XYLB: variants seen among roughly 807,000 people sequenced by gnomAD.
The protein encoded by XYLB is xylulose kinase.
A neutral mutation model predicts 78.7 loss-of-function variants in XYLB; 62 were observed. The ratio of observed to expected loss-of-function variants is 0.79; its 90% confidence interval spans 0.64 to 0.97. XYLB has a LOEUF of 0.97. XYLB is among the 50% of genes least tolerant of loss of function. The probability of loss-of-function intolerance (pLI) is 0.00; values close to 1 mark genes in which losing one functional copy is unlikely to be tolerated. For synonymous variants in XYLB, 245 were observed against 247.4 expected (o/e 0.99, Z 0.09); for missense variants, 687 against 676.8 (o/e 1.02, Z -0.17).
chr3:38,355,930 A>T (rs1032075655), intron 2 of XYLB: 2 of 610,946 alleles, frequency 3.3e-6, no homozygotes, highest in African/African-American at 3.7e-5. Context: ...AACTAATATA[A>T]TTTTTTCCCT....
intron 15 of XYLB, among the ~76,000 whole-genome samples, chr3:38,388,169 G>GTTTTTTTTTTTTTTTTTTTTTTTTTTT (rs71085320): frequency 1.1e-4 from 12 of 109,314 alleles, no homozygotes; most frequent in African/African-American, 3.6e-4. Flanking sequence ...GTTTTTTTTT[G>GTTTTTTTTTTTTTTTTTTTTTTTTTTT]TTTTTTTTTT....
At chr3:38,357,665 C>T (rs1255684845) in intron 2 of XYLB, among the ~76,000 whole-genome samples, 2 of 152,166 alleles carry the variant, frequency 1.3e-5, no homozygotes, top group Non-Finnish European at 2.9e-5. Context: ...GGATTACAGG[C>T]GTGAGCCACC....
At chr3:38,350,441 C>G (rs1247818208) in intron 2 of XYLB, among the ~76,000 whole-genome samples, 2 of 152,118 alleles carry the variant, frequency 1.3e-5, no homozygotes, top group African/African-American at 4.8e-5. Context: ...TTGGTCATTT[C>G]TGATATTGGT....
At chr3:38,376,375 C>A in intron 13 of XYLB, 143 bp downstream of exon 13, 1 of 649,270 alleles carries the variant, frequency 1.5e-6, no homozygotes, top group Non-Finnish European at 2.8e-6. Flanking sequence ...TTATATTCCA[C>A]ACATCCTACA....
In XYLB at chr3:38,407,140, C is replaced by T. The variant is rs534376629; in HGVS notation, c.1534-5796C>T. On this transcript the variant is annotated intron_variant, in intron 18 of 18. Transcript: ENST00000207870. ...GTTAAGGGCAGCCAGAGAGAAAGGT[C>T]GGGTTACCCACAAAGGGAAGCCCAT... Among the ~76,000 whole-genome samples the T allele has an allele frequency of 3.8e-3, 556 of 147,108 alleles. 7 individuals carry two copies. The highest frequency in any genetic ancestry group is 0.026 in the Admixed American group (378 of 14,540).
At chr3:38,379,131 C>A in intron 14 of XYLB, 115 bp from the exon 15 acceptor site, 1 of 1,006,064 alleles carries the variant, frequency 9.9e-7, no homozygotes, top group South Asian at 1.4e-5. Flanking sequence ...AAGAGCCCAG[C>A]TATGAGTTTC....
At chr3:38,379,225 C>T (rs754769081) in intron 14 of XYLB, 21 bp from the exon 15 acceptor site, 1 of 1,612,606 alleles carries the variant, frequency 6.2e-7, no homozygotes, top group Non-Finnish European at 8.5e-7. Context: ...TTACTCTGTG[C>T]CCACCTTTTC....
intron 10 of XYLB, among the ~76,000 whole-genome samples, chr3:38,373,809 G>T (rs1214845510): frequency 6.6e-6 from 1 of 152,168 alleles, no homozygotes; most frequent in Non-Finnish European, 1.5e-5. Context: ...CCTATTATGT[G>T]CCAGGCCTTC....
At chr3:38,430,841 G>A in the XYLB span, among the ~76,000 whole-genome samples, 1 of 152,110 alleles carries the variant, frequency 6.6e-6, no homozygotes, top group Non-Finnish European at 1.5e-5. Context: ...TTTTTCTCAG[G>A]TTTGTCAAAG....
At position 38,379,280 on chromosome 3, in the gene XYLB, C is replaced by A; in HGVS notation, c.1229C>A (p.Ala410Glu). ...TTCCCTGGGGATGTGGAGGTTCGAGCACTAATTGAAGGACAATTCATGGCC... is the reference window on the plus strand; with the variant it reads ...TTCCCTGGGGATGTGGAGGTTCGAGAACTAATTGAAGGACAATTCATGGCC... The part of the protein sequence containing the change: ...AAFPGDVEVR[A>E]LIEGQFMAKR... Residue 410 changes from alanine to glutamate, a missense_variant, in exon 15 of 19, where the codon GCA (alanine) becomes GAA (glutamate). Transcript: ENST00000207870. 1 of 1,614,090 alleles carries A rather than the reference C, an allele frequency of 6.2e-7. No homozygotes were observed. Among genetic ancestry groups the A allele is most frequent in the Non-Finnish European group, 8.5e-7 (1 of 1,180,042 alleles).
At chr3:38,353,717 T>C (rs1705490868) in intron 2 of XYLB, among the ~76,000 whole-genome samples, 1 of 151,950 alleles carries the variant, frequency 6.6e-6, no homozygotes, top group African/African-American at 2.4e-5. Context: ...TGAAACCCTG[T>C]CTGTACTGAA....
chr3:38,370,881 G>C (rs1235417676), intron 9 of XYLB, among the ~76,000 whole-genome samples: 3 of 151,926 alleles, frequency 2.0e-5, no homozygotes, highest in Non-Finnish European at 2.9e-5. Flanking sequence ...CAGTGGAGTA[G>C]AGAGAGAGAG....
intron 17 of XYLB, 30 bp downstream of exon 17, chr3:38,397,189 T>G: frequency 2.5e-6 from 4 of 1,608,132 alleles, no homozygotes; most frequent in African/African-American, 1.3e-5. Flanking sequence ...CAGCTATCTC[T>G]GGAAGTGGCC....
At chr3:38,378,246 TATCA>T (rs1706964900) in intron 14 of XYLB, among the ~76,000 whole-genome samples, 1 of 152,276 alleles carries the variant, frequency 6.6e-6, no homozygotes, top group South Asian at 2.1e-4. Flanking sequence ...CTTTCATGCA[TATCA>T]ATCCTAGATT....
At chr3:38,446,692 G>A in the XYLB span, among the ~76,000 whole-genome samples, 2 of 152,164 alleles carry the variant, frequency 1.3e-5, no homozygotes, top group Non-Finnish European at 2.9e-5. Flanking sequence ...TCAATAAATA[G>A]TGCTGGGAAA....
chr3:38,378,123 T>C (rs1429218554), intron 14 of XYLB, among the ~76,000 whole-genome samples: 1 of 152,238 alleles, frequency 6.6e-6, no homozygotes, highest in Non-Finnish European at 1.5e-5. Flanking sequence ...ATGATGGCAC[T>C]ACATGTTGGA....
At chr3:38,444,427 G>T in the XYLB span, among the ~76,000 whole-genome samples, 1 of 152,152 alleles carries the variant, frequency 6.6e-6, no homozygotes, top group Non-Finnish European at 1.5e-5. Context: ...AGGATAATGG[G>T]GGTAAGCTGA....
chr3:38,388,952 T>C (rs1014974499), intron 15 of XYLB, among the ~76,000 whole-genome samples: 4 of 118,608 alleles, frequency 3.4e-5, no homozygotes, highest in Non-Finnish European at 7.1e-5. Context: ...ATTTTCTTTC[T>C]TTTTTTTTTT....
chr3:38,356,720 A>G (rs988766614), intron 2 of XYLB: 2 of 152,194 alleles, frequency 1.3e-5, no homozygotes, highest in Admixed American at 6.5e-5. Context: ...ATTCCATTGC[A>G]TTGATATATC....
Sources: gnomAD v4.1 joint callset for allele counts (sites outside exome capture counted in the v4.1 genomes callset) on GRCh38, gnomAD v4.1.1 for gene constraint, MANE v1.5 for transcripts, NCBI Gene and HGNC (gene_info 2026-07-23, HGNC 2026-07-21) for gene names.